Variants in DLL4 observed in about 807,000 individuals in gnomAD.
The protein encoded by DLL4 is delta-like protein 4.
A neutral mutation model predicts 73.6 loss-of-function variants in DLL4; 7 were observed. The observed-to-expected ratio is 0.10, with a 90% CI of 0.05 to 0.18. The LOEUF is 0.18. DLL4 is among the 10% of genes least tolerant of loss of function. The pLI, the probability that DLL4 is intolerant of heterozygous loss-of-function variation, is 1.00. For synonymous variants in DLL4, 345 were observed against 374.3 expected (o/e 0.92, Z 0.90); for missense variants, 614 against 929.9 (o/e 0.66, Z 4.42).
At chr15:40,932,267 T>A (rs1022723242) in intron 5 of DLL4, 36 bp downstream of exon 5, 4 of 1,613,972 alleles carry the variant, frequency 2.5e-6, no homozygotes, top group African/African-American at 1.3e-5. Flanking sequence ...GTGGGAGCCC[T>A]CCCTTGGCCA....
At chr15:40,933,114 GCAGCT>G (rs201664022) in intron 6 of DLL4, among the ~76,000 whole-genome samples, 4,750 of 152,320 alleles carry the variant, frequency 0.031, 214 homozygotes, top group African/African-American at 0.11. Context: ...GCAGCCAGCT[GCAGCT>G]CCCATTTTCA....
rs1212823284 is a variant in DLL4 at position 40,936,232 on chromosome 15, A to G, written c.1245A>G (p.Gly415=). ...RCTSNPCANG[G]QCLNRGPSRM... Reference sequence around the variant, plus strand: ...GTGTCTCATGCGTCCTCACAGGGGGACAGTGCCTGAACCGAGGTCCAAGCC... The same window carrying G: ...GTGTCTCATGCGTCCTCACAGGGGGGCAGTGCCTGAACCGAGGTCCAAGCC... Residue 415 remains glycine, a synonymous_variant, in exon 9 of 11, where the codon GGA becomes GGG. Transcript: ENST00000249749. 3.8e-6 allele frequency: 6 copies of G among 1,584,368 alleles called. No individual in the cohort carries two copies. Among genetic ancestry groups the G allele is most frequent in the African/African-American group, 1.3e-5 (1 of 74,638 alleles).
intron 8 of DLL4, 28 bp downstream of exon 8, chr15:40,935,145 T>G (rs1043128209): frequency 6.3e-7 from 1 of 1,596,292 alleles, no homozygotes; most frequent in Non-Finnish European, 8.5e-7. Flanking sequence ...GCTAACCTGG[T>G]GGACTGGCCC....
chr15:40,930,261 C>G lies in DLL4; in HGVS notation c.336+145C>G. 2.9e-6 allele frequency: 3 copies of G among 1,042,946 alleles called. No individual in the cohort carries two copies. The highest frequency in any genetic ancestry group is 1.6e-5 in the South Asian group (1 of 63,548). 64.6% of individuals were successfully genotyped at this position (1,042,946 alleles called of 1,614,324 possible). On this transcript the variant is annotated intron_variant, in intron 2 of 10. Transcript: ENST00000249749. This position sits in a 1 kb window ranked among gnomAD's most constrained non-coding sequence, Gnocchi z 5.7. ...TGCATTCTTTCCTGGCTCTTCCCGA[C>G]TCTCTCCTGAGACTGATCCCAGAAA... is the stretch of plus-strand genomic sequence containing the variant.
At chr15:40,932,477 G>A (rs1229476930) in intron 6 of DLL4, 30 bp downstream of exon 6, 4 of 1,612,906 alleles carry the variant, frequency 2.5e-6, no homozygotes, top group African/African-American at 1.3e-5. Context: ...GGGTGCAGAG[G>A]GTGCAAGAGA....
At chr15:40,934,804 T>C (rs1053622309) in intron 7 of DLL4, 87 bp downstream of exon 7, 166 of 1,586,690 alleles carry the variant, frequency 1.0e-4, no homozygotes, top group Non-Finnish European at 1.4e-4. Flanking sequence ...TGTACAGCCA[T>C]GGACAGGCAT....
intron 6 of DLL4, among the ~76,000 whole-genome samples, chr15:40,934,015 CAAAAAAAAA>C (rs59066863): frequency 7.1e-5 from 3 of 42,170 alleles, no homozygotes; most frequent in East Asian, 7.5e-4. Context: ...GACTCCGTCT[CAAAAAAAAA>C]AAAAAAAAAA....
Position 40,936,458 on chromosome 15 carries a change from A to G in DLL4, c.1471A>G (p.Asn491Asp). The G allele has an allele frequency of 6.2e-7, 1 of 1,610,902 alleles. No individual in the cohort carries two copies. The highest frequency in any genetic ancestry group is 8.5e-7 in the Non-Finnish European group (1 of 1,179,450). Reference protein sequence around the residue: ...IDACASSPCFNRATCYTDLST... With the variant: ...IDACASSPCFDRATCYTDLST... Reference sequence around the variant, plus strand: ...TGCCTGTGCCTCGAGTCCCTGCTTCAACAGGGCCACCTGCTACACCGACCT... The same window carrying G: ...TGCCTGTGCCTCGAGTCCCTGCTTCGACAGGGCCACCTGCTACACCGACCT... The change falls in exon 9 of 11, where the codon AAC becomes GAC. Residue 491 changes from asparagine (N) to aspartate (D), a missense_variant. Around this residue, in one of 3 missense-constraint regions of DLL4, gnomAD observed 386 missense variants for 541.3 expected, o/e 0.71. Transcript: ENST00000249749.
Position 40,931,485 on chromosome 15 carries a change from G to T in DLL4, c.395-18G>T, listed in dbSNP as rs377573739. On this transcript the variant is annotated intron_variant, in intron 3 of 10. Transcript: ENST00000249749. ...GGGACTGGCGACCCTTCCCTGACCC[G>T]ACCCTCTGCCCCCTCAGAGGCCTTG... 3 of 1,601,924 alleles carry T rather than the reference G, an allele frequency of 1.9e-6. No individual in the cohort carries two copies. Among genetic ancestry groups the T allele is most frequent in the Admixed American group, 3.4e-5 (2 of 58,810 alleles).
In DLL4 at chr15:40,936,795, C is replaced by A. The variant is rs1372681319; in HGVS notation, c.1808C>A (p.Ser603Tyr). 6.2e-7 allele frequency: 1 copy of A among 1,613,770 alleles called. No homozygotes were observed. Among genetic ancestry groups the A allele is most frequent in the Non-Finnish European group, 8.5e-7 (1 of 1,179,888 alleles). Residue 603 changes from serine to tyrosine, a missense_variant, in exon 9 of 11, where the codon TCC (serine) becomes TAC (tyrosine). Ser to Tyr is a moderately radical substitution (Grantham distance 144, BLOSUM62 -2). This residue lies in a region of DLL4 where 386 missense variants were observed against 541.3 expected (regional missense o/e 0.71). Coordinates refer to ENST00000249749, the MANE Select transcript of DLL4 (RefSeq NM_019074.4). ...ELEVDCGLDK[S>Y]NCGKQQNHTL... ...GAAGTGGACTGTGGCCTGGACAAGT[C>A]CAACTGTGGCAAACAGCAAAACCAC...
In DLL4 at chr15:40,929,469, G is replaced by C. The variant is rs1045507493; in HGVS notation, c.-200G>C. On this transcript the variant is annotated 5_prime_UTR_variant, in exon 1 of 11. Coordinates refer to ENST00000249749, the MANE Select transcript of DLL4 (RefSeq NM_019074.4). This position sits in a 1 kb window ranked among gnomAD's most constrained non-coding sequence, Gnocchi z 7.1. The stretch of plus-strand genomic sequence containing the variant: ...TAGACAGAAGACGCGTCCTCGGCGC[G>C]GTCGCCGCCCAGCCGTAGTCACCTG... 1.4e-5 allele frequency: 8 copies of C among 557,620 alleles called. No homozygotes were observed. Among genetic ancestry groups the C allele is most frequent in the South Asian group, 2.7e-5 (1 of 37,168 alleles). 34.5% of individuals were successfully genotyped at this position (557,620 alleles called of 1,614,324 possible). A position where few individuals can be genotyped will look rare whatever the true frequency, so the allele number is the denominator to read the frequency against.
rs1364245259 is a variant in DLL4, at chr15:40,930,640, A to C, written c.352A>C (p.Ile118Leu). The C allele has an allele frequency of 1.2e-6, 2 of 1,613,800 alleles. No homozygotes were observed. The highest frequency in any genetic ancestry group is 4.5e-5 in the East Asian group (2 of 44,880). Residue 118 changes from isoleucine (I) to leucine (L), a missense_variant, in exon 3 of 11, where the codon ATC (isoleucine) becomes CTC (leucine). This residue lies in a region of DLL4 where 227 missense variants were observed against 370.8 expected (regional missense o/e 0.61). Transcript: ENST00000249749. The surrounding 1 kb of genome is among the most constrained non-coding windows in gnomAD (Gnocchi z 5.7). Reference protein sequence around the residue: ...NFTWPGTFSLIIEAWHAPGDD... With the variant: ...NFTWPGTFSLLIEAWHAPGDD... ...CCTTTCCCAGGGTACCTTCTCGCTC[A>C]TCATCGAAGCTTGGCACGCGCCAGG...
chr15:40,929,575 A>G lies in DLL4; in HGVS notation c.-94A>G. ...CGTCCCGAGAGGAGCGCCTCTTTTCAGGGACCCCGCCGGCTGGCGGACGCG... is the reference window on the plus strand; with the variant it reads ...CGTCCCGAGAGGAGCGCCTCTTTTCGGGGACCCCGCCGGCTGGCGGACGCG... On this transcript the variant is annotated 5_prime_UTR_variant, in exon 1 of 11. Transcript: ENST00000249749. The surrounding 1 kb of genome is among the most constrained non-coding windows in gnomAD (Gnocchi z 7.1). 1.6e-6 allele frequency: 2 copies of G among 1,236,736 alleles called. No homozygotes were observed. The highest frequency in any genetic ancestry group is 2.2e-6 in the Non-Finnish European group (2 of 918,558). The allele number at this position is 1,236,736 out of a possible 1,614,324, so 76.6% of individuals were successfully genotyped here.
intron 6 of DLL4, among the ~76,000 whole-genome samples, chr15:40,934,035 A>G (rs1892807161): frequency 1.3e-5 from 2 of 151,026 alleles, no homozygotes; most frequent in South Asian, 4.2e-4. Context: ...AAAAAAAAAA[A>G]AAAAAAGAAA....
At chr15:40,932,038 G>A (rs528177967) in intron 4 of DLL4, 133 bp from the exon 5 acceptor site, 17 of 1,072,518 alleles carry the variant, frequency 1.6e-5, no homozygotes, top group African/African-American at 1.4e-4. Flanking sequence ...TAAGACACTC[G>A]GGGCTCCTCT....
Position 40,930,313 on chromosome 15 carries a change from A to T in DLL4, c.336+197A>T. Reference sequence around the variant, plus strand: ...GGCTCTCACCAGTCTCCGTCTTCCCAGTTTATGTCCTCCCGTCCCCAGCTC... The same window carrying T: ...GGCTCTCACCAGTCTCCGTCTTCCCTGTTTATGTCCTCCCGTCCCCAGCTC... On this transcript the variant is annotated intron_variant, in intron 2 of 10. Coordinates refer to ENST00000249749, the MANE Select transcript of DLL4 (RefSeq NM_019074.4). The surrounding 1 kb of genome is among the most constrained non-coding windows in gnomAD (Gnocchi z 5.7). 1 of 732,300 alleles carries T rather than the reference A, an allele frequency of 1.4e-6. No homozygotes were observed. The highest frequency in any genetic ancestry group is 2.2e-6 in the Non-Finnish European group (1 of 455,950). The allele number at this position is 732,300 out of a possible 1,614,324, so 45.4% of individuals were successfully genotyped here.
chr15:40,929,526 A>C lies in DLL4; in HGVS notation c.-143A>C. The C allele has an allele frequency of 1.3e-6, 1 of 768,208 alleles. No homozygotes were observed. Among genetic ancestry groups the C allele is most frequent in the Non-Finnish European group, 2.0e-6 (1 of 500,614 alleles). 47.6% of individuals were successfully genotyped at this position (768,208 alleles called of 1,614,324 possible). On this transcript the variant is annotated 5_prime_UTR_variant, in exon 1 of 11. Coordinates refer to ENST00000249749, the MANE Select transcript of DLL4 (RefSeq NM_019074.4). This position sits in a 1 kb window ranked among gnomAD's most constrained non-coding sequence, Gnocchi z 7.1. ...CTACAGCGGCAGCTGCAGCGGAGCC[A>C]GCGAGAAGGCCAAAGGGGAGCAGCG... is the stretch of plus-strand genomic sequence containing the variant.
rs1892750529 is a variant in DLL4, at chr15:40,930,475, CGCTA to C, written c.337-149_337-146del. The C allele has an allele frequency of 1.4e-6, 1 of 725,082 alleles. No individual in the cohort carries two copies. 44.9% of individuals were successfully genotyped at this position (725,082 alleles called of 1,614,324 possible). A position where few individuals can be genotyped will look rare whatever the true frequency, so the allele number is the denominator to read the frequency against. Reference sequence around the variant, plus strand: ...TCTCCTCTCGCCTTCCCTGCTCAAGCGCTACACTGTGCACAGCCCCGTTATGTTG... The same window carrying C: ...TCTCCTCTCGCCTTCCCTGCTCAAGCCACTGTGCACAGCCCCGTTATGTTG... On this transcript the variant is annotated intron_variant, in intron 2 of 10. Coordinates refer to ENST00000249749, the MANE Select transcript of DLL4 (RefSeq NM_019074.4). The surrounding 1 kb of genome is among the most constrained non-coding windows in gnomAD (Gnocchi z 5.7).
At position 40,930,163 on chromosome 15, in the gene DLL4, G is replaced by A. The variant is rs751939450; in HGVS notation, c.336+47G>A. The A allele has an allele frequency of 2.2e-4, 353 of 1,576,838 alleles. 1 individual carries two copies. Among genetic ancestry groups the A allele is most frequent in the Non-Finnish European group, 2.8e-4 (323 of 1,162,030 alleles). On this transcript the variant is annotated intron_variant, in intron 2 of 10. Transcript: ENST00000249749. The surrounding 1 kb of genome is among the most constrained non-coding windows in gnomAD (Gnocchi z 5.7). ...TGGGAGGTCGCAGAAGCCGAGAGAG[G>A]AGGCGCCCTGGGACCAAAGCCCCCT...
Sources: gnomAD v4.1 joint callset for allele counts (sites outside exome capture counted in the v4.1 genomes callset) on GRCh38, gnomAD v4.1.1 for gene constraint, gnomAD v4.1.1 regional missense constraint, Gnocchi (gnomAD v3.1) non-coding constraint, MANE v1.5 for transcripts, NCBI Gene and HGNC (gene_info 2026-07-23, HGNC 2026-07-21) for gene names.